The following ITGBL1 variants were observed in gnomAD, a reference collection of about 807,000 sequenced individuals.
ITGBL1 encodes the protein integrin subunit beta like 1, also known as integrin beta-like protein 1.
Under a neutral mutation model 68.5 loss-of-function variants are expected in ITGBL1, and 51 were observed. The observed-to-expected ratio is 0.74, with a 90% confidence interval of 0.59 to 0.94. The LOEUF (loss-of-function observed/expected upper bound fraction) is 0.94. ITGBL1 is among the 40% of genes least tolerant of loss of function. The pLI is 0.00. For missense variants in ITGBL1, 649 were observed against 647.4 expected (o/e 1.00, Z -0.03); for synonymous variants, 209 against 227.3 (o/e 0.92, Z 0.72).
intron 2 of ITGBL1, among the ~76,000 whole-genome samples, chr13:101,491,842 G>T (rs892288892): frequency 6.6e-6 from 1 of 152,048 alleles, no homozygotes; most frequent in Non-Finnish European, 1.5e-5. Flanking sequence ...TGTTCTCATT[G>T]TTCAACTCCC....
intron 1 of ITGBL1, 151 bp downstream of exon 1, chr13:101,453,082 T>C: frequency 1.6e-6 from 1 of 625,572 alleles, no homozygotes; most frequent in South Asian, 2.0e-5. Context: ...TCTCCTTATA[T>C]CTACAGCGTG....
chr13:101,581,916 C>A (rs544655095), intron 5 of ITGBL1, among the ~76,000 whole-genome samples: 1 of 152,178 alleles, frequency 6.6e-6, no homozygotes, highest in African/African-American at 2.4e-5. Flanking sequence ...TGTCCCACAC[C>A]TTTACCGAGT....
chr13:101,481,721 T>C (rs2048627621), intron 2 of ITGBL1, among the ~76,000 whole-genome samples: 2 of 152,202 alleles, frequency 1.3e-5, no homozygotes, highest in Admixed American at 1.3e-4. Context: ...TTGTTCTCTC[T>C]ATATATACTC....
At position 101,511,175 on chromosome 13, in the gene ITGBL1, A is replaced by C. The variant is rs576651564; in HGVS notation, c.317-56524A>C. On this transcript the variant is annotated intron_variant, in intron 2 of 10. Transcript: ENST00000376180. ...CTAATTTATTGTTTTCTTTCTTAGA[A>C]TAATCATTCTCTTCTACTCCAATTT... Among the ~76,000 whole-genome samples the C allele has an allele frequency of 3.9e-5, 6 of 152,212 alleles. No individual in the cohort carries two copies. In the East Asian group the frequency reaches 1.2e-3, roughly 29 times the overall value.
intron 2 of ITGBL1, among the ~76,000 whole-genome samples, chr13:101,481,613 C>A (rs1002748078): frequency 6.6e-6 from 1 of 152,004 alleles, no homozygotes; most frequent in Admixed American, 6.6e-5. Flanking sequence ...CAAGTTAAAA[C>A]CCTGAATATC....
At chr13:101,604,887 T>TGTATATATATATATATAC (rs1555361661) in intron 7 of ITGBL1, among the ~76,000 whole-genome samples, 1 of 22,164 alleles carries the variant, frequency 4.5e-5, no homozygotes, top group Non-Finnish European at 8.2e-5. Flanking sequence ...TATATATATA[T>TGTATATATATATATATAC]ACACACACAC....
chr13:101,548,791 GA>G (rs1374010824), intron 2 of ITGBL1, among the ~76,000 whole-genome samples: 1 of 151,630 alleles, frequency 6.6e-6, no homozygotes, highest in Non-Finnish European at 1.5e-5. Context: ...TATTGAAATT[GA>G]CAAACTGTTT....
chr13:101,514,825 C>T (rs1403106515), intron 2 of ITGBL1, among the ~76,000 whole-genome samples: 3 of 151,990 alleles, frequency 2.0e-5, no homozygotes, highest in African/African-American at 7.2e-5. Context: ...TAGATGCCTT[C>T]CATTCCTTCT....
chr13:101,535,320 T>C (rs945372256), intron 2 of ITGBL1, among the ~76,000 whole-genome samples: 2 of 152,040 alleles, frequency 1.3e-5, no homozygotes, highest in Non-Finnish European at 2.9e-5. Flanking sequence ...AGACATTACC[T>C]TTTGATGAGG....
intron 2 of ITGBL1, among the ~76,000 whole-genome samples, chr13:101,484,663 C>G (rs1009546712): frequency 1.3e-5 from 2 of 151,890 alleles, no homozygotes; most frequent in African/African-American, 4.8e-5. Flanking sequence ...CGGGGGAAGT[C>G]TGGGTTTTTA....
intron 2 of ITGBL1, among the ~76,000 whole-genome samples, chr13:101,503,037 G>T (rs994165338): frequency 6.6e-6 from 1 of 152,176 alleles, no homozygotes; most frequent in African/African-American, 2.4e-5. Flanking sequence ...GCATTAATCT[G>T]ATAGTGGTTT....
chr13:101,565,823 T>A (rs1384746438), intron 2 of ITGBL1, among the ~76,000 whole-genome samples: 1 of 152,068 alleles, frequency 6.6e-6, no homozygotes, highest in Non-Finnish European at 1.5e-5. Context: ...TGAACCCACT[T>A]CAGGGGATAA....
intron 2 of ITGBL1, among the ~76,000 whole-genome samples, chr13:101,517,713 A>G (rs2049218086): frequency 6.6e-6 from 1 of 152,206 alleles, no homozygotes; most frequent in Non-Finnish European, 1.5e-5. Flanking sequence ...AAATTCTGTA[A>G]TTCAGCCAGT....
intron 3 of ITGBL1, among the ~76,000 whole-genome samples, chr13:101,574,654 A>G (rs956224061): frequency 3.3e-5 from 5 of 152,116 alleles, no homozygotes; most frequent in African/African-American, 1.2e-4. Context: ...TAACAAGGAA[A>G]TTTCTCAAGT....
intron 2 of ITGBL1, among the ~76,000 whole-genome samples, chr13:101,552,619 A>G (rs950745550): frequency 6.6e-6 from 1 of 152,178 alleles, no homozygotes; most frequent in Admixed American, 6.5e-5. Context: ...TTAACTACCC[A>G]CTTTACAACA....
intron 7 of ITGBL1, among the ~76,000 whole-genome samples, chr13:101,646,261 G>A (rs925891508): frequency 2.2e-4 from 33 of 152,066 alleles, no homozygotes; most frequent in African/African-American, 8.0e-4. Flanking sequence ...ACAGTAATGG[G>A]TGTTTCCTTT....
At chr13:101,650,628 T>C (rs1193152409) in intron 7 of ITGBL1, among the ~76,000 whole-genome samples, 1 of 151,958 alleles carries the variant, frequency 6.6e-6, no homozygotes, top group Admixed American at 6.6e-5. Flanking sequence ...TTCTTTTTTT[T>C]TTTTTTTAGT....
At chr13:101,478,735 C>T (rs9585711) in intron 2 of ITGBL1, among the ~76,000 whole-genome samples, 28,812 of 151,714 alleles carry the variant, frequency 0.19, 3,312 homozygotes, top group African/African-American at 0.32. Flanking sequence ...ACAACAGCTA[C>T]AAATAAAATG....
intron 7 of ITGBL1, among the ~76,000 whole-genome samples, chr13:101,672,594 T>A (rs559444934): frequency 1.4e-4 from 22 of 152,290 alleles, no homozygotes; most frequent in African/African-American, 5.1e-4. Context: ...CCACACACAA[T>A]GTAAATGTCA....
Sources: gnomAD v4.1 joint callset for allele counts (sites outside exome capture counted in the v4.1 genomes callset) on GRCh38, gnomAD v4.1.1 for gene constraint, MANE v1.5 for transcripts, NCBI Gene and HGNC (gene_info 2026-07-23, HGNC 2026-07-21) for gene names.